Variants in LARP1 observed in about 807,000 individuals in gnomAD.
The protein encoded by LARP1 is la-related protein 1.
LARP1 carries 36 observed loss-of-function variants against 122.7 expected under a neutral mutation model. That is an observed-to-expected ratio of 0.29 (90% CI 0.22 to 0.39). The LOEUF (loss-of-function observed/expected upper bound fraction) is 0.39, where lower values mean the gene tolerates loss of function less well. Ranked by LOEUF, LARP1 falls within the 10% of genes least tolerant of loss-of-function variation. LARP1 has a pLI of 1.00. For synonymous variants in LARP1, 539 were observed against 528.7 expected, an observed-to-expected ratio of 1.02 and a Z score of -0.27; for missense variants, 1,040 against 1,403.6, an observed-to-expected ratio of 0.74 and a Z score of 4.14.
At chr5:154,781,983 T>G (rs1312315121) in intron 1 of LARP1, among the ~76,000 whole-genome samples, 1 of 152,168 alleles carries the variant, frequency 6.6e-6, no homozygotes, top group Non-Finnish European at 1.5e-5. Flanking sequence ...GAGTTAGAAC[T>G]TGATCCAGAG....
chr5:154,693,869 AAAAG>A (rs549389582), intron 1 of LARP1, among the ~76,000 whole-genome samples: 10,690 of 145,946 alleles, frequency 0.073, 602 homozygotes, highest in African/African-American at 0.15. Context: ...AAAAAAAAAA[AAAAG>A]AAAGAAAGTT....
Position 154,778,625 on chromosome 5 carries a change from G to T in LARP1, c.437-11700G>T, listed in dbSNP as rs892926704. Among the ~76,000 whole-genome samples, 19 of 152,334 alleles carry T rather than the reference G, an allele frequency of 1.2e-4. No homozygotes were observed. The South Asian group carries it at 2.1e-3, about 17-fold the overall frequency. ...AGAACTGGAAGGACTGTGGATGATA[G>T]GATTCTGCCCACCCCTACCACAGGC... On this transcript the variant is annotated intron_variant, in intron 1 of 18. Transcript: ENST00000518297.
chr5:154,802,470 TTAGC>T lies in LARP1; in HGVS notation c.2109+73_2109+76del. On this transcript the variant is annotated intron_variant, in intron 11 of 18. Coordinates refer to ENST00000518297, the MANE Select transcript of LARP1 (RefSeq NM_033551.3). This position sits in a 1 kb window ranked among gnomAD's most constrained non-coding sequence, Gnocchi z 5.1. ...ATTGTACGGAGAAGAGGAAGCCTGATTAGCTGTGCAATTTTAGGCAGGTCCTTAT... is the reference window on the plus strand; with the variant it reads ...ATTGTACGGAGAAGAGGAAGCCTGATTGTGCAATTTTAGGCAGGTCCTTAT... 6.7e-7 allele frequency: 1 copy of T among 1,488,802 alleles called. No individual in the cohort carries two copies. The highest frequency in any genetic ancestry group is 8.9e-7 in the Non-Finnish European group (1 of 1,121,114). 92.2% of individuals were successfully genotyped at this position (1,488,802 alleles called of 1,614,324 possible). A position where few individuals can be genotyped will look rare whatever the true frequency, so the allele number is the denominator to read the frequency against.
intron 14 of LARP1, among the ~76,000 whole-genome samples, chr5:154,805,469 A>G (rs571297980): frequency 6.6e-6 from 1 of 151,866 alleles, no homozygotes; most frequent in East Asian, 2.0e-4. Flanking sequence ...AAATCTGCGT[A>G]TAAGTGGACC....
chr5:154,710,761 A>G (rs1223631217), upstream of LARP1, among the ~76,000 whole-genome samples: 3 of 151,692 alleles, frequency 2.0e-5, no homozygotes, highest in Non-Finnish European at 4.4e-5. Flanking sequence ...AAAAAAAAAA[A>G]AAATCATACT....
At chr5:154,757,788 C>T (rs1241809665) in intron 1 of LARP1, among the ~76,000 whole-genome samples, 1 of 93,030 alleles carries the variant, frequency 1.1e-5, no homozygotes, top group Non-Finnish European at 2.2e-5. Flanking sequence ...CTTCCTTCCC[C>T]CCTGCTCCCC....
intron 1 of LARP1, chr5:154,757,145 C>T (rs1326807107): frequency 3.3e-5 from 5 of 150,888 alleles, no homozygotes; most frequent in African/African-American, 1.2e-4. Context: ...CGCGTCCCCC[C>T]TTCCCAGCAT....
At chr5:154,813,793 G>T in intron 18 of LARP1, 94 bp from the exon 19 acceptor site, 1 of 963,644 alleles carries the variant, frequency 1.0e-6, no homozygotes, top group Non-Finnish European at 1.6e-6. Flanking sequence ...TTCTATATTT[G>T]GAGGTAGAAA....
intron 1 of LARP1, chr5:154,713,159 A>T (rs755192217): frequency 4.4e-6 from 7 of 1,579,508 alleles, no homozygotes; most frequent in Middle Eastern, 2.1e-4. Context: ...CGTTTCTTGA[A>T]CCTCAGGACA....
Position 154,811,327 on chromosome 5 carries a change from A to T in LARP1, c.2924A>T (p.Gln975Leu). The change falls in exon 17 of 19, where the codon CAG becomes CTG. Residue 975 changes from glutamine (Q) to leucine (L), a missense_variant. Transcript: ENST00000518297. ...KFRLDIFKDF[Q>L]EETVKDYEAG... is the part of the protein sequence containing the mutation. ...CGGCTGGACATATTCAAGGATTTTC[A>T]GGAGGAAACGGTGAAGGACTATGAA... is the stretch of plus-strand genomic sequence containing the variant. The T allele has an allele frequency of 6.2e-7, 1 of 1,614,208 alleles. No homozygotes were observed. The highest frequency in any genetic ancestry group is 8.5e-7 in the Non-Finnish European group (1 of 1,180,046).
At chr5:154,761,230 T>C (rs1209362463) in intron 1 of LARP1, among the ~76,000 whole-genome samples, 5 of 152,194 alleles carry the variant, frequency 3.3e-5, no homozygotes. Context: ...AGTTTGAGTT[T>C]CATACTAACC....
In LARP1 at chr5:154,814,812, A is replaced by C. The variant is rs1163921441; in HGVS notation, c.*716A>C. 2 of 150,642 alleles carry C rather than the reference A, an allele frequency of 1.3e-5. No individual in the cohort carries two copies. The highest frequency in any genetic ancestry group is 4.0e-4 in the East Asian group (2 of 4,942). The allele number at this position is 150,642 out of a possible 1,614,324, so 9.3% of individuals were successfully genotyped here. A position where few individuals can be genotyped will look rare whatever the true frequency, so the allele number is the denominator to read the frequency against. ...TTTTACCAGGAAAGACTATTGAAAG[A>C]TGTTTTATTTTATTTTTCTCTGACC... is the stretch of plus-strand genomic sequence containing the variant. On this transcript the variant is annotated 3_prime_UTR_variant, in exon 19 of 19. Coordinates refer to ENST00000518297, the MANE Select transcript of LARP1 (RefSeq NM_033551.3).
chr5:154,777,999 C>G (rs1355953976), intron 1 of LARP1, among the ~76,000 whole-genome samples: 1 of 152,102 alleles, frequency 6.6e-6, no homozygotes, highest in Non-Finnish European at 1.5e-5. Flanking sequence ...CGGTGACTCA[C>G]GCCTGTAATC....
intron 3 of LARP1, among the ~76,000 whole-genome samples, chr5:154,792,213 G>A (rs1757403247): frequency 6.6e-6 from 1 of 152,206 alleles, no homozygotes; most frequent in Admixed American, 6.5e-5. Context: ...TCTGGCCAGT[G>A]GCTTAGAGTC....
upstream of LARP1, among the ~76,000 whole-genome samples, chr5:154,711,055 A>G (rs569442285): frequency 1.8e-4 from 28 of 152,108 alleles, no homozygotes; most frequent in African/African-American, 5.6e-4. Context: ...ACCCCATGTG[A>G]CAGTGTGGCC....
chr5:154,751,391 T>C (rs529268085), upstream of LARP1, among the ~76,000 whole-genome samples: 1 of 152,304 alleles, frequency 6.6e-6, no homozygotes, highest in East Asian at 1.9e-4. Context: ...AGGGGCTCAG[T>C]AGACATTTAA....
intron 1 of LARP1, among the ~76,000 whole-genome samples, chr5:154,742,731 AAAAAAAAAAAAAAG>A (rs1470726182): frequency 6.8e-6 from 1 of 146,154 alleles, no homozygotes; most frequent in East Asian, 2.0e-4. Context: ...CCCTGTCTCA[AAAAAAAAAAAAAAG>A]AAAAAAGAAA....
chr5:154,802,928 G>A lies in LARP1; in HGVS notation c.2110-362G>A, dbSNP rs1245514876. On this transcript the variant is annotated intron_variant, in intron 11 of 18. Coordinates refer to ENST00000518297, the MANE Select transcript of LARP1 (RefSeq NM_033551.3). This position sits in a 1 kb window ranked among gnomAD's most constrained non-coding sequence, Gnocchi z 5.1. ...GTAGCAGTGTGTTTCCTGGAAGTAA[G>A]GAGGAAGGAGAGTTGCCCAGCCACT... Among the ~76,000 whole-genome samples the A allele has an allele frequency of 6.6e-6, 1 of 152,176 alleles. No homozygotes were observed. Among genetic ancestry groups the A allele is most frequent in the Non-Finnish European group, 1.5e-5 (1 of 68,028 alleles).
At chr5:154,813,843 T>A in intron 18 of LARP1, 44 bp from the exon 19 acceptor site, 1 of 1,550,370 alleles carries the variant, frequency 6.5e-7, no homozygotes, top group Non-Finnish European at 8.9e-7. Flanking sequence ...GAAGAGGGCG[T>A]AGATAGTGCT....
Sources: gnomAD v4.1 joint callset for allele counts (sites outside exome capture counted in the v4.1 genomes callset) on GRCh38, gnomAD v4.1.1 for gene constraint, Gnocchi (gnomAD v3.1) non-coding constraint, MANE v1.5 for transcripts, NCBI Gene and HGNC (gene_info 2026-07-23, HGNC 2026-07-21) for gene names.